Variants in HNRNPA3 observed in about 807,000 individuals in gnomAD.
The protein encoded by HNRNPA3 is epididymis secretory sperm binding protein.
HNRNPA3 carries 3 observed loss-of-function variants against 45.8 expected under a neutral mutation model. That is an observed-to-expected ratio of 0.07 (90% CI 0.03 to 0.17). HNRNPA3 has a LOEUF of 0.17. Ranked by LOEUF, HNRNPA3 falls within the 10% of genes least tolerant of loss-of-function variation. The pLI is 1.00. For missense variants in HNRNPA3, 183 were observed against 480.3 expected (o/e 0.38, Z 5.79); for synonymous variants, 170 against 155.6 (o/e 1.09, Z -0.69).
rs1054653048 is a variant in HNRNPA3 at position 177,213,044 on chromosome 2, C to T, written c.72+173C>T. On this transcript the variant is annotated intron_variant, in intron 1 of 10. Transcript: ENST00000392524. Reference sequence around the variant, plus strand: ...GGAGACCTCCTTGGGGCCCCTCGCCCGCCTCGCCTTCACCTTCGGCTGCAC... The same window carrying T: ...GGAGACCTCCTTGGGGCCCCTCGCCTGCCTCGCCTTCACCTTCGGCTGCAC... Among the ~76,000 whole-genome samples the T allele has an allele frequency of 1.2e-4, 18 of 152,200 alleles. No individual in the cohort carries two copies. The East Asian group carries it at 2.3e-3, about 20-fold the overall frequency.
At chr2:177,218,923 A>G (rs1297028455) in intron 8 of HNRNPA3, 114 bp from the exon 9 acceptor site, 2 of 1,266,862 alleles carry the variant, frequency 1.6e-6, no homozygotes, top group African/African-American at 3.0e-5. Flanking sequence ...GTGCTACCAC[A>G]GTGATGTGTA....
intron 5 of HNRNPA3, 22 bp downstream of exon 5, chr2:177,216,614 T>C: frequency 1.2e-6 from 2 of 1,611,606 alleles, no homozygotes; most frequent in Non-Finnish European, 1.7e-6. Context: ...CATACACATG[T>C]ATACAGTGGA....
At position 177,212,916 on chromosome 2, in the gene HNRNPA3, G is replaced by A. The variant is rs938946807; in HGVS notation, c.72+45G>A. ...GGGTTGGTGGGGAATGGCCGGCGTT[G>A]GGGGCCTGGTTCGGTGGGAGCGGGG... is the stretch of plus-strand genomic sequence containing the variant. On this transcript the variant is annotated intron_variant, in intron 1 of 10. Coordinates refer to ENST00000392524, the Ensembl canonical transcript of HNRNPA3. 4 of 1,264,656 alleles carry A rather than the reference G, an allele frequency of 3.2e-6. No homozygotes were observed. The African/African-American group carries it at 6.2e-5, about 20-fold the overall frequency. The allele number at this position is 1,264,656 out of a possible 1,614,324, so 78.3% of individuals were successfully genotyped here. A position where few individuals can be genotyped will look rare whatever the true frequency, so the allele number is the denominator to read the frequency against.
chr2:177,216,251 A>C (rs1310414647), intron 4 of HNRNPA3, 63 bp downstream of exon 4: 2 of 1,146,214 alleles, frequency 1.7e-6, no homozygotes, highest in Non-Finnish European at 2.5e-6. Context: ...TTTTGAACTA[A>C]ATTTGCTAAA....
downstream of HNRNPA3, chr2:177,222,270 A>G (rs1229006242): frequency 6.6e-6 from 1 of 152,338 alleles, no homozygotes; most frequent in Non-Finnish European, 1.5e-5. Flanking sequence ...CCTTGGTACC[A>G]TGTCCTACAC....
chr2:177,215,434 A>G, intron 1 of HNRNPA3, 105 bp from the exon 2 acceptor site: 9 of 1,174,774 alleles, frequency 7.7e-6, no homozygotes, highest in African/African-American at 1.5e-5. Flanking sequence ...TAACTGTCAC[A>G]GGAATTTGAT....
At chr2:177,213,237 C>G (rs551272889) in intron 1 of HNRNPA3, among the ~76,000 whole-genome samples, 9 of 152,306 alleles carry the variant, frequency 5.9e-5, no homozygotes, top group Middle Eastern at 3.4e-3. Context: ...CACATCCGGG[C>G]GAGCGAGCAA....
intron 1 of HNRNPA3, among the ~76,000 whole-genome samples, chr2:177,213,255 G>A (rs1333439217): frequency 6.6e-6 from 1 of 152,204 alleles, no homozygotes; most frequent in Non-Finnish European, 1.5e-5. Context: ...CAAGCGGGCG[G>A]CGGCCACATT....
chr2:177,222,352 C>A (rs1303868842), downstream of HNRNPA3: 1 of 152,222 alleles, frequency 6.6e-6, no homozygotes, highest in African/African-American at 2.4e-5. Context: ...AGTTGTGACT[C>A]CTTGTGTATA....
Position 177,215,030 on chromosome 2 carries a change from G to A in HNRNPA3, c.73-509G>A, listed in dbSNP as rs150714573. Among the ~76,000 whole-genome samples the A allele has an allele frequency of 6.6e-4, 100 of 152,306 alleles. No individual in the cohort carries two copies. In the East Asian group the frequency reaches 0.018, roughly 28 times the overall value. Reference sequence around the variant, plus strand: ...GTTGAAGTGATGCTGGCATTTGAAAGGCTGGTTATAGGTTTCCTTGACATA... The same window carrying A: ...GTTGAAGTGATGCTGGCATTTGAAAAGCTGGTTATAGGTTTCCTTGACATA... On this transcript the variant is annotated intron_variant, in intron 1 of 10. Coordinates refer to ENST00000392524, the Ensembl canonical transcript of HNRNPA3.
At chr2:177,216,052 A>G in exon 4 of HNRNPA3, 1 of 1,572,578 alleles carries the variant, frequency 6.4e-7, no homozygotes, top group East Asian at 2.2e-5. Flanking sequence ...ATACAGAAGA[A>G]TATAATTTGA....
intron 7 of HNRNPA3, among the ~76,000 whole-genome samples, chr2:177,217,375 G>T (rs1279559835): frequency 6.6e-6 from 1 of 152,246 alleles, no homozygotes; most frequent in Non-Finnish European, 1.5e-5. Flanking sequence ...AACCAGAGTT[G>T]AGTAATTCTA....
exon 11 of HNRNPA3, chr2:177,220,023 T>C (rs1397762330): frequency 6.6e-6 from 1 of 152,596 alleles, no homozygotes; most frequent in Non-Finnish European, 1.5e-5. Context: ...AGATAATTTG[T>C]GTGTTTGCAA....
At chr2:177,217,995 T>C in intron 8 of HNRNPA3, 150 bp downstream of exon 8, 1 of 644,014 alleles carries the variant, frequency 1.6e-6, no homozygotes, top group Non-Finnish European at 2.5e-6. Context: ...AAACCAAATT[T>C]TCTTGACTTT....
chr2:177,215,888 T>A, exon 3 of HNRNPA3: 1 of 1,596,250 alleles, frequency 6.3e-7, no homozygotes, highest in Non-Finnish European at 8.5e-7. Flanking sequence ...GAGAGCTGTT[T>A]CTAGAGAGGT....
At chr2:177,219,574 G>T (rs924410919) in exon 11 of HNRNPA3, 1 of 358,158 alleles carries the variant, frequency 2.8e-6, no homozygotes, top group Non-Finnish European at 5.1e-6. Context: ...AACCCTTCTT[G>T]TTCAGGACTG....
At chr2:177,216,718 A>G in exon 6 of HNRNPA3, 1 of 1,614,150 alleles carries the variant, frequency 6.2e-7, no homozygotes, top group South Asian at 1.1e-5. Context: ...CGCGGAGGGA[A>G]CTTTGGAGGT....
chr2:177,213,996 A>C (rs962663219), intron 1 of HNRNPA3, among the ~76,000 whole-genome samples: 5 of 152,260 alleles, frequency 3.3e-5, no homozygotes, highest in Non-Finnish European at 7.3e-5. Flanking sequence ...CTAGCATGTG[A>C]CAATCTCTTC....
chr2:177,222,069 G>GA (rs1333609534), downstream of HNRNPA3: 1 of 152,600 alleles, frequency 6.6e-6, no homozygotes, highest in African/African-American at 2.4e-5. Context: ...GGTTGAATGA[G>GA]AACCCTACTT....
Sources: allele counts gnomAD v4.1 joint callset (sites outside exome capture counted in the v4.1 genomes callset), GRCh38; gene constraint gnomAD v4.1.1; transcripts MANE v1.5; gene names NCBI Gene and HGNC (gene_info 2026-07-23, HGNC 2026-07-21).